Variants in HDAC4 observed in about 807,000 individuals in gnomAD.
HDAC4 encodes the protein histone deacetylase A.
Under a neutral mutation model 135.1 loss-of-function variants are expected in HDAC4, and 16 were observed. The ratio of observed to expected loss-of-function variants is 0.12; its 90% CI spans 0.08 to 0.18. The LOEUF (loss-of-function observed/expected upper bound fraction) is 0.18. Ranked by LOEUF, HDAC4 falls within the 10% of genes least tolerant of loss-of-function variation. HDAC4 has a pLI of 1.00. For synonymous variants in HDAC4, 685 were observed against 653.4 expected, an observed-to-expected ratio of 1.05 and a Z score of -0.74; for missense variants, 1,143 against 1,511.8, an observed-to-expected ratio of 0.76 and a Z score of 4.05.
chr2:239,298,266 G>A, intron 2 of HDAC4: 1 of 1,280,428 alleles, frequency 7.8e-7, no homozygotes, highest in Non-Finnish European at 1.0e-6. Context: ...ACGACAGACT[G>A]GGCTGGTGCC....
intron 17 of HDAC4, chr2:239,094,727 G>A (rs1401949371): frequency 1.6e-6 from 2 of 1,288,888 alleles, no homozygotes; most frequent in Non-Finnish European, 2.0e-6. Context: ...AAGGGGATGA[G>A]ATGCTGGCTG....
intron 3 of HDAC4, among the ~76,000 whole-genome samples, chr2:239,231,289 G>A (rs1467295501): frequency 1.3e-5 from 2 of 152,286 alleles, no homozygotes; most frequent in Non-Finnish European, 1.5e-5. Flanking sequence ...CTTAACATCG[G>A]CCTCTACTTC....
chr2:239,287,502 G>A (rs544991648), intron 2 of HDAC4, among the ~76,000 whole-genome samples: 67 of 152,306 alleles, frequency 4.4e-4, no homozygotes, highest in African/African-American at 1.6e-3. Flanking sequence ...AAATGAAAAT[G>A]CTAAGTGTCA....
intron 2 of HDAC4, among the ~76,000 whole-genome samples, chr2:239,295,954 A>G (rs1447503883): frequency 3.9e-5 from 6 of 152,212 alleles, no homozygotes; most frequent in Admixed American, 1.3e-4. Flanking sequence ...CTGAAGGAAG[A>G]GCCAGTAATT....
chr2:239,332,463 C>G (rs1030625072), intron 2 of HDAC4, among the ~76,000 whole-genome samples: 1 of 151,884 alleles, frequency 6.6e-6, no homozygotes, highest in Non-Finnish European at 1.5e-5. Context: ...TCATAAAGCA[C>G]TGAAATTTAG....
chr2:239,108,611 G>A (rs2152787475), intron 14 of HDAC4, among the ~76,000 whole-genome samples: 1 of 152,316 alleles, frequency 6.6e-6, no homozygotes, highest in East Asian at 1.9e-4. Flanking sequence ...TACCCTCAAA[G>A]TCTGCCTGGT....
At chr2:239,284,551 C>T (rs190478085) in intron 2 of HDAC4, among the ~76,000 whole-genome samples, 195 of 152,318 alleles carry the variant, frequency 1.3e-3, no homozygotes, top group Non-Finnish European at 1.4e-3. Flanking sequence ...CATGAAAGCC[C>T]ATCAGGTGCC....
At chr2:239,354,327 G>A (rs952637313) in intron 1 of HDAC4, among the ~76,000 whole-genome samples, 5 of 152,044 alleles carry the variant, frequency 3.3e-5, no homozygotes, top group Admixed American at 3.3e-4. Context: ...CTGCTCCCAG[G>A]GAAGTGTCGG....
chr2:239,139,654 T>C lies in HDAC4; in HGVS notation c.978+30A>G. 6.3e-7 allele frequency: 1 copy of C among 1,588,752 alleles called. No individual in the cohort carries two copies. Among genetic ancestry groups the C allele is most frequent in the Non-Finnish European group, 8.6e-7 (1 of 1,156,928 alleles). On this transcript the variant is annotated intron_variant, in intron 9 of 26. Transcript: ENST00000543185. This position sits in a 1 kb window ranked among gnomAD's most constrained non-coding sequence, Gnocchi z 5.3. ...TCCGTCCCGAGTCCGACTCTAGCCG[T>C]AGGACACAGGACAAACGCTTCGCAC...
intron 9 of HDAC4, among the ~76,000 whole-genome samples, chr2:239,138,096 A>G (rs1401056290): frequency 6.6e-6 from 1 of 152,192 alleles, no homozygotes; most frequent in Non-Finnish European, 1.5e-5. Context: ...GCAGGAAGTA[A>G]TTTCTAGGTT....
rs996472838 is a variant in HDAC4, at chr2:239,339,400, T to G, written c.22+13278A>C. Among the ~76,000 whole-genome samples the G allele has an allele frequency of 2.0e-5, 3 of 152,174 alleles. No individual in the cohort carries two copies. The East Asian group carries it at 5.8e-4, about 29-fold the overall frequency. On this transcript the variant is annotated intron_variant, in intron 2 of 26. Transcript: ENST00000543185. ...CAGCCCCAGGAGGCAATGGGCCCAG[T>G]CCAGGTCACCCCGGACACAGAGCCA...
At chr2:239,094,934 G>A in intron 17 of HDAC4, 76 bp downstream of exon 17, 1 of 1,610,966 alleles carries the variant, frequency 6.2e-7, no homozygotes, top group Non-Finnish European at 8.5e-7. Context: ...TTTGAGGGAA[G>A]CAAGGCTGCG....
intron 3 of HDAC4, among the ~76,000 whole-genome samples, chr2:239,206,389 T>TA (rs2046049251): frequency 6.7e-6 from 1 of 148,326 alleles, no homozygotes; most frequent in Non-Finnish European, 1.5e-5. Context: ...CATGCACACA[T>TA]ACGTGCACAC....
intron 3 of HDAC4, among the ~76,000 whole-genome samples, chr2:239,219,334 T>C (rs867211087): frequency 6.6e-6 from 1 of 151,914 alleles, no homozygotes; most frequent in Non-Finnish European, 1.5e-5. Flanking sequence ...ATGGATGAAA[T>C]TGGAAATCAT....
At chr2:239,223,030 A>G (rs1182486658) in intron 3 of HDAC4, among the ~76,000 whole-genome samples, 1 of 152,214 alleles carries the variant, frequency 6.6e-6, no homozygotes, top group Non-Finnish European at 1.5e-5. Flanking sequence ...ATGGATAAAA[A>G]TATATTGTCT....
At chr2:239,391,662 C>T (rs1371404787) in intron 1 of HDAC4, among the ~76,000 whole-genome samples, 1 of 152,170 alleles carries the variant, frequency 6.6e-6, no homozygotes, top group Non-Finnish European at 1.5e-5. Flanking sequence ...CACTCAACAC[C>T]CCAGAGCCAT....
rs145809704 is a variant in HDAC4 at position 239,066,922 on chromosome 2, G to A, written c.2870-67C>T. ...ACCGCAGCCAGCACAGCCCAGAAAC[G>A]CGTCTCATGGCATCGTAAGAAGACT... On this transcript the variant is annotated intron_variant, in intron 23 of 26. Coordinates refer to ENST00000543185, the MANE Select transcript of HDAC4 (RefSeq NM_001378414.1). 2.4e-4 allele frequency: 376 copies of A among 1,563,468 alleles called. 2 individuals are homozygous for A. In the African/African-American group the frequency reaches 3.7e-3, roughly 15 times the overall value.
At chr2:239,079,625 A>C (rs2035099934) in intron 22 of HDAC4, among the ~76,000 whole-genome samples, 1 of 152,186 alleles carries the variant, frequency 6.6e-6, no homozygotes, top group Non-Finnish European at 1.5e-5. Context: ...TCCACACAAG[A>C]CGTTTACACA....
rs899276718 is a variant in HDAC4 at position 239,274,831 on chromosome 2, C to T, written c.23-38167G>A. 3.3e-5 allele frequency among the ~76,000 whole-genome samples: 5 copies of T among 152,196 alleles called. No homozygotes were observed. The East Asian group carries it at 5.8e-4, about 18-fold the overall frequency. On this transcript the variant is annotated intron_variant, in intron 2 of 26. Transcript: ENST00000543185. The stretch of plus-strand genomic sequence containing the variant: ...TTCCCTAGGCCTGGCCTGGCCCCCA[C>T]GCTCCTCCCAGCTGTCCTTCTGACC...
Sources: allele counts gnomAD v4.1 joint callset (sites outside exome capture counted in the v4.1 genomes callset), GRCh38; gene constraint gnomAD v4.1.1; non-coding constraint Gnocchi (gnomAD v3.1); transcripts MANE v1.5; gene names NCBI Gene and HGNC (gene_info 2026-07-23, HGNC 2026-07-21).